The following TIAM1 variants were observed in gnomAD, a reference collection of about 807,000 sequenced individuals.
TIAM1 encodes rho guanine nucleotide exchange factor TIAM1.
Under a neutral mutation model 163.5 loss-of-function variants are expected in TIAM1, and 65 were observed. The ratio of observed to expected loss-of-function variants is 0.40; its 90% CI spans 0.33 to 0.49. The LOEUF (loss-of-function observed/expected upper bound fraction) is 0.49. TIAM1 is among the 20% of genes least tolerant of loss of function. TIAM1 has a pLI of 0.77. For missense variants in TIAM1, 1,789 were observed against 2,044.7 expected (o/e 0.87, Z 2.41); for synonymous variants, 833 against 810.1 (o/e 1.03, Z -0.48).
intron 23 of TIAM1, among the ~76,000 whole-genome samples, chr21:31,132,402 C>G (rs2082446018): frequency 6.6e-6 from 1 of 152,154 alleles, no homozygotes; most frequent in Non-Finnish European, 1.5e-5. Flanking sequence ...GCAGGTTCCC[C>G]ACAAAGGTTC....
chr21:31,124,821 C>A, intron 26 of TIAM1, 127 bp from the exon 27 acceptor site: 2 of 719,774 alleles, frequency 2.8e-6, no homozygotes, highest in Non-Finnish European at 4.3e-6. Context: ...GCCTTGACTC[C>A]AATTTCTATG....
intron 4 of TIAM1, among the ~76,000 whole-genome samples, chr21:31,260,242 A>G (rs1336168594): frequency 7.1e-6 from 1 of 140,778 alleles, no homozygotes; most frequent in Non-Finnish European, 1.5e-5. Context: ...ACACATATAT[A>G]CTTTTTTTTT....
At chr21:31,176,666 AT>A (rs977116167) in intron 15 of TIAM1, among the ~76,000 whole-genome samples, 1 of 152,266 alleles carries the variant, frequency 6.6e-6, no homozygotes, top group East Asian at 1.9e-4. Flanking sequence ...TTACAAAAAA[AT>A]CTCAATGAAG....
intron 4 of TIAM1, among the ~76,000 whole-genome samples, chr21:31,264,066 CT>C (rs765190730): frequency 2.8e-4 from 43 of 152,284 alleles, no homozygotes; most frequent in Admixed American, 1.3e-3. Context: ...AAGCTTCAGG[CT>C]TACGTTCTCA....
At chr21:31,313,274 C>T (rs1601924076) in intron 2 of TIAM1, among the ~76,000 whole-genome samples, 1 of 152,132 alleles carries the variant, frequency 6.6e-6, no homozygotes, top group African/African-American at 2.4e-5. Context: ...ATGATACCTA[C>T]AAAAAGTACT....
At chr21:31,520,974 C>A (rs930624001) in intron 1 of TIAM1, among the ~76,000 whole-genome samples, 1 of 152,218 alleles carries the variant, frequency 6.6e-6, no homozygotes, top group Non-Finnish European at 1.5e-5. Context: ...TGGCAAATGT[C>A]AGGGGTTTAG....
chr21:31,234,974 T>C (rs1244541011), intron 6 of TIAM1, among the ~76,000 whole-genome samples: 2 of 152,190 alleles, frequency 1.3e-5, no homozygotes. Flanking sequence ...AAATTCCAAA[T>C]TACTCAAATA....
At chr21:31,493,661 G>T (rs532766842) in intron 1 of TIAM1, among the ~76,000 whole-genome samples, 2 of 152,154 alleles carry the variant, frequency 1.3e-5, no homozygotes, top group African/African-American at 4.8e-5. Context: ...GGTTTGAGAG[G>T]CAACGAAGGG....
intron 1 of TIAM1, among the ~76,000 whole-genome samples, chr21:31,468,771 A>G (rs1177946046): frequency 6.6e-6 from 1 of 151,684 alleles, no homozygotes; most frequent in Non-Finnish European, 1.5e-5. Context: ...GCGAGACTCC[A>G]TCTCAAAAAA....
At position 31,176,598 on chromosome 21, in the gene TIAM1, G is replaced by A. The variant is rs564221294; in HGVS notation, c.2887+5823C>T. Among the ~76,000 whole-genome samples, 10 of 152,028 alleles carry A rather than the reference G, an allele frequency of 6.6e-5. No homozygotes were observed. The South Asian group carries it at 8.3e-4, about 13-fold the overall frequency. On this transcript the variant is annotated intron_variant, in intron 15 of 27. Transcript: ENST00000541036. ...GCAACCCATTCAGCAGGCTTCCCTC[G>A]TAAACCAAGGAACGGGAGAATGGAG...
intron 15 of TIAM1, among the ~76,000 whole-genome samples, chr21:31,172,761 G>A (rs2084577240): frequency 6.6e-6 from 1 of 152,080 alleles, no homozygotes; most frequent in Admixed American, 6.6e-5. Context: ...CCAAACTCTT[G>A]AGAGGTTAGA....
chr21:31,265,254 T>C (rs2072693382), intron 4 of TIAM1, among the ~76,000 whole-genome samples: 1 of 145,818 alleles, frequency 6.9e-6, no homozygotes, highest in Non-Finnish European at 1.5e-5. Flanking sequence ...TTGCCCAGGC[T>C]GGAGCGAAGT....
chr21:31,265,978 C>A, intron 4 of TIAM1, 32 bp downstream of exon 4: 1 of 1,602,426 alleles, frequency 6.2e-7, no homozygotes, highest in South Asian at 1.1e-5. Context: ...GCACCATTCC[C>A]AAAATATTGA....
chr21:31,441,104 T>G (rs934842821), intron 2 of TIAM1, among the ~76,000 whole-genome samples: 70 of 152,114 alleles, frequency 4.6e-4, no homozygotes, highest in African/African-American at 1.4e-3. Flanking sequence ...TCACCATGCT[T>G]TTATGAACTC....
intron 2 of TIAM1, among the ~76,000 whole-genome samples, chr21:31,382,724 A>G (rs1305851170): frequency 1.3e-5 from 2 of 152,194 alleles, no homozygotes; most frequent in African/African-American, 2.4e-5. Flanking sequence ...ATGAGATCAC[A>G]AAAGTCAAGG....
At chr21:31,451,932 G>T (rs528117646) in intron 2 of TIAM1, among the ~76,000 whole-genome samples, 145 of 152,296 alleles carry the variant, frequency 9.5e-4, no homozygotes, top group African/African-American at 3.2e-3. Context: ...CTAACACCCA[G>T]ACTAAAAATC....
intron 7 of TIAM1, among the ~76,000 whole-genome samples, chr21:31,224,493 T>C (rs2087816898): frequency 1.3e-5 from 2 of 152,214 alleles, no homozygotes; most frequent in African/African-American, 4.8e-5. Context: ...AAAGGCCACG[T>C]ACTGTGCAAT....
intron 2 of TIAM1, among the ~76,000 whole-genome samples, chr21:31,383,409 T>G (rs2076813010): frequency 6.6e-6 from 1 of 152,208 alleles, no homozygotes; most frequent in African/African-American, 2.4e-5. Context: ...ATACCTATTA[T>G]GTACCCGACC....
chr21:31,518,121 A>AAAGATCTCCCTCTCT (rs1318941408), intron 1 of TIAM1, among the ~76,000 whole-genome samples: 1 of 152,162 alleles, frequency 6.6e-6, no homozygotes, highest in Non-Finnish European at 1.5e-5. Context: ...GGTAGAGGAA[A>AAAGATCTCCCTCTCT]AAGATCTCCC....
Sources: allele counts gnomAD v4.1 joint callset (sites outside exome capture counted in the v4.1 genomes callset), GRCh38; gene constraint gnomAD v4.1.1; transcripts MANE v1.5; gene names NCBI Gene and HGNC (gene_info 2026-07-23, HGNC 2026-07-21).